CRACD: variants seen among roughly 807,000 people sequenced by gnomAD.
CRACD encodes capping protein-inhibiting regulator of actin dynamics.
In CRACD, 56 loss-of-function variants were observed where a neutral mutation model predicts 106.8. The ratio of observed to expected loss-of-function variants is 0.52; its 90% confidence interval spans 0.42 to 0.66. The LOEUF is 0.66. Among genes scored for constraint, CRACD ranks in the 30% least tolerant of loss-of-function variants. The pLI, the probability that CRACD is intolerant of heterozygous loss-of-function variation, is 0.00. For missense variants in CRACD, 1,730 were observed against 1,623.2 expected (o/e 1.07, Z -1.13); for synonymous variants, 754 against 670.8 (o/e 1.12, Z -1.92).
At chr4:56,323,656 G>C in intron 9 of CRACD, 89 bp downstream of exon 9, 1 of 1,288,138 alleles carries the variant, frequency 7.8e-7, no homozygotes, top group South Asian at 1.6e-5. Flanking sequence ...AGGCTAGCTG[G>C]GCTGGTGGAA....
At chr4:56,127,444 C>A (rs1034122345) in intron 1 of CRACD, among the ~76,000 whole-genome samples, 3 of 151,992 alleles carry the variant, frequency 2.0e-5, no homozygotes, top group Non-Finnish European at 4.4e-5. Flanking sequence ...AACAAGAGTT[C>A]ATAGAAGCAG....
At chr4:56,279,821 C>A (rs1384624497) in intron 3 of CRACD, among the ~76,000 whole-genome samples, 1 of 152,102 alleles carries the variant, frequency 6.6e-6, no homozygotes, top group South Asian at 2.1e-4. Context: ...ATAAATCATG[C>A]GGCTCTAAAG....
chr4:56,279,716 C>G (rs1289014680), intron 3 of CRACD, among the ~76,000 whole-genome samples: 1 of 152,128 alleles, frequency 6.6e-6, no homozygotes, highest in Non-Finnish European at 1.5e-5. Flanking sequence ...CTAGTTCAAC[C>G]ATTGTGGAAG....
At chr4:56,296,870 A>G (rs1577873862) in intron 3 of CRACD, among the ~76,000 whole-genome samples, 2 of 151,004 alleles carry the variant, frequency 1.3e-5, no homozygotes, top group African/African-American at 4.9e-5. Context: ...CTGCTATCTT[A>G]CTCGCTTACT....
intron 1 of CRACD, among the ~76,000 whole-genome samples, chr4:56,076,696 C>T (rs760183744): frequency 6.6e-6 from 1 of 152,142 alleles, no homozygotes; most frequent in Non-Finnish European, 1.5e-5. Flanking sequence ...GACTTAACTT[C>T]CTCCAGGAGG....
intron 1 of CRACD, among the ~76,000 whole-genome samples, chr4:56,119,625 G>A (rs981129263): frequency 2.6e-5 from 4 of 151,812 alleles, no homozygotes; most frequent in Admixed American, 6.6e-5. Context: ...GTGAGCCACC[G>A]CACCCAGCCC....
intron 1 of CRACD, among the ~76,000 whole-genome samples, chr4:56,052,320 A>AT (rs1731906611): frequency 6.6e-6 from 1 of 152,180 alleles, no homozygotes; most frequent in Non-Finnish European, 1.5e-5. Context: ...GCATTCTTAT[A>AT]TTTTTTATTC....
At chr4:56,316,948 A>G (rs573666821) in intron 8 of CRACD, among the ~76,000 whole-genome samples, 81 of 152,284 alleles carry the variant, frequency 5.3e-4, no homozygotes, top group African/African-American at 1.9e-3. Context: ...AATTTGGGCC[A>G]CATTAGCCAC....
chr4:56,310,979 G>A, intron 6 of CRACD: 1 of 489,030 alleles, frequency 2.0e-6, no homozygotes, highest in Non-Finnish European at 3.7e-6. Flanking sequence ...CCTGTGTTTG[G>A]GGTCCTAGAA....
chr4:56,167,975 C>T (rs1051119147), intron 1 of CRACD, among the ~76,000 whole-genome samples: 3 of 152,206 alleles, frequency 2.0e-5, no homozygotes, highest in Non-Finnish European at 4.4e-5. Context: ...ATAGATTCCT[C>T]AGGATTTTCT....
intron 2 of CRACD, among the ~76,000 whole-genome samples, chr4:56,243,191 A>G (rs545507468): frequency 1.3e-5 from 2 of 152,308 alleles, no homozygotes; most frequent in East Asian, 3.9e-4. Flanking sequence ...TTTCTGCTTC[A>G]TTCTCTTAAA....
At chr4:56,239,773 G>A (rs1384976779) in intron 2 of CRACD, among the ~76,000 whole-genome samples, 4 of 152,036 alleles carry the variant, frequency 2.6e-5, no homozygotes, top group East Asian at 1.9e-4. Flanking sequence ...CCCGTGTCCT[G>A]GGACCCCCGC....
chr4:56,122,512 T>G (rs1734524632), intron 1 of CRACD, among the ~76,000 whole-genome samples: 3 of 152,168 alleles, frequency 2.0e-5, no homozygotes, highest in Admixed American at 1.3e-4. Context: ...GTCTTGTTTT[T>G]TGATTTCTGC....
chr4:56,118,862 C>T (rs970014486), intron 1 of CRACD, among the ~76,000 whole-genome samples: 18 of 152,170 alleles, frequency 1.2e-4, no homozygotes, highest in African/African-American at 3.9e-4. Flanking sequence ...TTCTTTTATA[C>T]AGTGGCAATT....
intron 2 of CRACD, among the ~76,000 whole-genome samples, chr4:56,198,723 G>A (rs1577732283): frequency 6.6e-6 from 1 of 151,978 alleles, no homozygotes; most frequent in Non-Finnish European, 1.5e-5. Context: ...CCTTCCTCAC[G>A]CTGACTGAAA....
chr4:56,251,708 C>T (rs17086540), intron 2 of CRACD, among the ~76,000 whole-genome samples: 75 of 152,284 alleles, frequency 4.9e-4, no homozygotes, highest in African/African-American at 1.5e-3. Flanking sequence ...GTATGAACAT[C>T]GGCTCTGGCT....
At chr4:56,216,817 A>C (rs955039906) in intron 2 of CRACD, among the ~76,000 whole-genome samples, 5 of 150,702 alleles carry the variant, frequency 3.3e-5, no homozygotes, top group African/African-American at 4.9e-5. Context: ...CGTCTCTACT[A>C]AAAATACAAA....
chr4:56,158,385 G>GTA (rs1252952551), intron 1 of CRACD, among the ~76,000 whole-genome samples: 1 of 151,504 alleles, frequency 6.6e-6, no homozygotes, highest in Non-Finnish European at 1.5e-5. Context: ...TAAATTTATG[G>GTA]TATTTTTTTT....
intron 2 of CRACD, among the ~76,000 whole-genome samples, chr4:56,263,801 G>T (rs915141173): frequency 6.6e-6 from 1 of 152,206 alleles, no homozygotes; most frequent in Non-Finnish European, 1.5e-5. Flanking sequence ...GCTGGAGGAA[G>T]GTGTGATGAA....
Sources: allele counts gnomAD v4.1 joint callset (sites outside exome capture counted in the v4.1 genomes callset), GRCh38; gene constraint gnomAD v4.1.1; transcripts MANE v1.5; gene names NCBI Gene and HGNC (gene_info 2026-07-23, HGNC 2026-07-21).